ODAM: variants seen among roughly 807,000 people sequenced by gnomAD.
ODAM encodes the protein odontogenic, ameloblast associated, also known as odontogenic ameloblast-associated protein.
Under a neutral mutation model 48.5 loss-of-function variants are expected in ODAM, and 55 were observed. The observed-to-expected ratio is 1.13, with a 90% CI of 0.91 to 1.42. The LOEUF is 1.42. Ranked by LOEUF, ODAM falls within the 40% of genes most tolerant of loss-of-function variation. The pLI is 0.00. For synonymous variants in ODAM, 127 were observed against 107.8 expected (o/e 1.18, Z -1.10); for missense variants, 353 against 323.6 (o/e 1.09, Z -0.70).
chr4:70,200,559 A>G lies in ODAM; in HGVS notation c.486A>G (p.Pro162=). Residue 162 remains proline (P), a synonymous_variant, in exon 7 of 12, where the codon CCA becomes CCG. Transcript: ENST00000683306. ...LPWEQPQQTV[P]RSPQQTRQQQ... ...GGGAACAACCTCAGCAAACAGTTCC[A>G]AGGTCACCTCAACAAACAAGACAGC... The G allele has an allele frequency of 6.2e-7, 1 of 1,611,576 alleles. No individual in the cohort carries two copies. The highest frequency in any genetic ancestry group is 8.5e-7 in the Non-Finnish European group (1 of 1,178,388).
Position 70,197,984 on chromosome 4 carries a change from C to A in ODAM, c.202C>A (p.Gln68Lys). Reference protein sequence around the residue: ...SGILQQQQQAQIPGLSQFSLS... With the variant: ...SGILQQQQQAKIPGLSQFSLS... ...AATTTTACAACAGCAGCAGCAGGCT[C>A]AAATTCCAGGACTCTCCCAGTTCTC... The change falls in exon 5 of 12, where the codon CAA becomes AAA. Residue 68 changes from glutamine to lysine, a missense_variant. Physicochemically the swap from Gln to Lys is moderately conservative, Grantham distance 53. Transcript: ENST00000683306. 6.2e-7 allele frequency: 1 copy of A among 1,613,382 alleles called. No individual in the cohort carries two copies. The highest frequency in any genetic ancestry group is 8.5e-7 in the Non-Finnish European group (1 of 1,179,558).
chr4:70,198,565 C>A lies in ODAM; in HGVS notation c.376-14C>A. 2 of 1,573,438 alleles carry A rather than the reference C, an allele frequency of 1.3e-6. No individual in the cohort carries two copies. The highest frequency in any genetic ancestry group is 1.7e-4 in the Middle Eastern group (1 of 5,916). On this transcript the variant is annotated splice_polypyrimidine_tract_variant and intron_variant, in intron 5 of 11. Transcript: ENST00000683306. Reference sequence around the variant, plus strand: ...GTCAAGCATACATTTTTATATAATTCTTTTTTTTGGCAGGTGATGCCCTAT... The same window carrying A: ...GTCAAGCATACATTTTTATATAATTATTTTTTTTGGCAGGTGATGCCCTAT...
chr4:70,200,811 G>A (rs1218316338), intron 7 of ODAM, among the ~76,000 whole-genome samples: 1 of 151,872 alleles, frequency 6.6e-6, no homozygotes, highest in Non-Finnish European at 1.5e-5. Flanking sequence ...TGGATTTTTA[G>A]CCAATGAAAT....
intron 7 of ODAM, 41 bp downstream of exon 7, chr4:70,200,642 G>T (rs1729475919): frequency 8.0e-7 from 1 of 1,257,760 alleles, no homozygotes; most frequent in South Asian, 1.3e-5. Flanking sequence ...AGTTCCACTT[G>T]AAAATAGAGA....
At position 70,196,589 on chromosome 4, in the gene ODAM, G is replaced by A; in HGVS notation, c.46G>A (p.Ala16Thr). Residue 16 changes from alanine to threonine, a missense_variant, in exon 2 of 12, where the codon GCC becomes ACC. By Grantham distance (58) the Ala-to-Thr change is moderately conservative (BLOSUM62 0). Coordinates refer to ENST00000683306, the MANE Select transcript of ODAM (RefSeq NM_017855.4). ...TGGATTCCTGGGAGCCACATTGTCA[G>A]CCCCAGTAAGTGATTTTATGGCACT... Reference protein sequence around the residue: ...LLGFLGATLSAPLIPQRLMSA... With the variant: ...LLGFLGATLSTPLIPQRLMSA... 2 of 1,597,950 alleles carry A rather than the reference G, an allele frequency of 1.3e-6. No individual in the cohort carries two copies. The highest frequency in any genetic ancestry group is 2.2e-5 in the South Asian group (2 of 89,194).
At chr4:70,197,204 G>T (rs150728498) in intron 3 of ODAM, 70 bp from the exon 4 acceptor site, 57 of 767,786 alleles carry the variant, frequency 7.4e-5, no homozygotes, top group Non-Finnish European at 1.6e-5. Flanking sequence ...TGCTATATTT[G>T]CAGTAAACAT....
chr4:70,204,142 G>A (rs1382508136), intron 11 of ODAM, 33 bp from the exon 12 acceptor site: 1 of 151,842 alleles, frequency 6.6e-6, no homozygotes, highest in Middle Eastern at 3.2e-3. Flanking sequence ...GCAGTCCAAT[G>A]ATATTAAAAT....
chr4:70,202,238 A>T lies in ODAM; in HGVS notation c.577-20A>T. On this transcript the variant is annotated intron_variant, in intron 8 of 11. Coordinates refer to ENST00000683306, the MANE Select transcript of ODAM (RefSeq NM_017855.4). ...CAACGATCACTGATTTAGACTTTTTAAAACTTTTTGTGTTTTTAGGCTATA... is the reference window on the plus strand; with the variant it reads ...CAACGATCACTGATTTAGACTTTTTTAAACTTTTTGTGTTTTTAGGCTATA... 1 of 1,603,008 alleles carries T rather than the reference A, an allele frequency of 6.2e-7. No homozygotes were observed. The highest frequency in any genetic ancestry group is 8.5e-7 in the Non-Finnish European group (1 of 1,170,906).
In ODAM at chr4:70,197,292, A is replaced by T; in HGVS notation, c.112A>T (p.Asn38Tyr). The T allele has an allele frequency of 6.9e-7, 1 of 1,442,090 alleles. No homozygotes were observed. The highest frequency in any genetic ancestry group is 9.8e-7 in the Non-Finnish European group (1 of 1,025,202). The allele number at this position is 1,442,090 out of a possible 1,614,324, so 89.3% of individuals were successfully genotyped here. ...NSNELLLNLNNGQLLPLQLQG... is the reference protein window; with the variant it reads ...NSNELLLNLNYGQLLPLQLQG... Reference sequence around the variant, plus strand: ...TTTCTAGTTACTTCTTAATCTTAATAATGGTCAACTTTTGCCACTACAACT... The same window carrying T: ...TTTCTAGTTACTTCTTAATCTTAATTATGGTCAACTTTTGCCACTACAACT... The change falls in exon 4 of 12, where the codon AAT (asparagine) becomes TAT (tyrosine). Residue 38 changes from asparagine (N) to tyrosine (Y), a missense_variant. Coordinates refer to ENST00000683306, the MANE Select transcript of ODAM (RefSeq NM_017855.4).
intron 5 of ODAM, 58 bp downstream of exon 5, chr4:70,198,215 C>T: frequency 7.2e-7 from 1 of 1,382,058 alleles, no homozygotes; most frequent in South Asian, 1.3e-5. Context: ...TTTAATCTGA[C>T]AATGAATATG....
At position 70,197,291 on chromosome 4, in the gene ODAM, T is replaced by A; in HGVS notation, c.111T>A (p.Asn37Lys). 6.9e-7 allele frequency: 1 copy of A among 1,442,628 alleles called. No homozygotes were observed. The highest frequency in any genetic ancestry group is 9.8e-7 in the Non-Finnish European group (1 of 1,025,598). 89.4% of individuals were successfully genotyped at this position (1,442,628 alleles called of 1,614,324 possible). A position where few individuals can be genotyped will look rare whatever the true frequency, so the allele number is the denominator to read the frequency against. ...SNSNELLLNLNNGQLLPLQLQ... is the reference protein window; with the variant it reads ...SNSNELLLNLKNGQLLPLQLQ... Reference sequence around the variant, plus strand: ...TTTTCTAGTTACTTCTTAATCTTAATAATGGTCAACTTTTGCCACTACAAC... The same window carrying A: ...TTTTCTAGTTACTTCTTAATCTTAAAAATGGTCAACTTTTGCCACTACAAC... Residue 37 changes from asparagine to lysine, a missense_variant, in exon 4 of 12, where the codon AAT becomes AAA. Coordinates refer to ENST00000683306, the MANE Select transcript of ODAM (RefSeq NM_017855.4).
At chr4:70,197,127 T>A in intron 3 of ODAM, 147 bp from the exon 4 acceptor site, 1 of 611,496 alleles carries the variant, frequency 1.6e-6, no homozygotes. Context: ...ATCACTGTAA[T>A]TTAATGTAAG....
At chr4:70,202,407 A>G in intron 9 of ODAM, 78 bp downstream of exon 9, 1 of 1,127,132 alleles carries the variant, frequency 8.9e-7, no homozygotes, top group Non-Finnish European at 1.3e-6. Context: ...TCATTTTAAT[A>G]TCAACTCTGT....
chr4:70,198,199 T>G, intron 5 of ODAM, 42 bp downstream of exon 5: 2 of 1,494,786 alleles, frequency 1.3e-6, no homozygotes, highest in Non-Finnish European at 1.8e-6. Flanking sequence ...GAGAGAGAAC[T>G]GCATGTTTAA....
chr4:70,198,032 G>T lies in ODAM; in HGVS notation c.250G>T (p.Ala84Ser), dbSNP rs757913560. ...CTCTTTATCAGCTCTAGACCAGTTT[G>T]CTGGACTGCTCCCAAATCAGATACC... is the stretch of plus-strand genomic sequence containing the variant. ...QFSLSALDQF[A>S]GLLPNQIPLT... The change falls in exon 5 of 12, where the codon GCT (alanine) becomes TCT (serine). Residue 84 changes from alanine (A) to serine (S), a missense_variant. Coordinates refer to ENST00000683306, the MANE Select transcript of ODAM (RefSeq NM_017855.4). 3 of 1,613,136 alleles carry T rather than the reference G, an allele frequency of 1.9e-6. No homozygotes were observed. The highest frequency in any genetic ancestry group is 2.7e-5 in the African/African-American group (2 of 74,780).
intron 9 of ODAM, 105 bp from the exon 10 acceptor site, chr4:70,202,651 T>C (rs1054530598): frequency 2.2e-5 from 17 of 789,748 alleles, no homozygotes; most frequent in Non-Finnish European, 3.2e-5. Context: ...CTTTTTTTAA[T>C]ATAATGCTTT....
chr4:70,200,646 ATAGAG>A, intron 7 of ODAM, 45 bp downstream of exon 7: 1 of 1,262,850 alleles, frequency 7.9e-7, no homozygotes, highest in South Asian at 1.3e-5. Context: ...CCACTTGAAA[ATAGAG>A]AAAATAAGGT....
At chr4:70,197,790 T>C (rs1729403793) in intron 4 of ODAM, 134 bp from the exon 5 acceptor site, 1 of 676,016 alleles carries the variant, frequency 1.5e-6, no homozygotes, top group Non-Finnish European at 2.6e-6. Context: ...TGAATCAAGA[T>C]GCTGTCCTTT....
In ODAM at chr4:70,203,200, C is replaced by CATTCAGACATTTTGGTAGGT; in HGVS notation, c.*19_*29+9dup. The CATTCAGACATTTTGGTAGGT allele has an allele frequency of 1.3e-6, 2 of 1,588,160 alleles. No individual in the cohort carries two copies. Among genetic ancestry groups the CATTCAGACATTTTGGTAGGT allele is most frequent in the South Asian group, 2.2e-5 (2 of 89,874 alleles). ...GGGAACCATAAGAAGTTGCCCTGAT[C>CATTCAGACATTTTGGTAGGT]ATTCAGACATTTTGGTAGGTATTTG... On this transcript the variant is annotated 3_prime_UTR_variant, in exon 11 of 12. Coordinates refer to ENST00000683306, the MANE Select transcript of ODAM (RefSeq NM_017855.4).
Sources: allele counts gnomAD v4.1 joint callset (sites outside exome capture counted in the v4.1 genomes callset), GRCh38; gene constraint gnomAD v4.1.1; transcripts MANE v1.5; gene names NCBI Gene and HGNC (gene_info 2026-07-23, HGNC 2026-07-21).